The following TFPI variants were observed in gnomAD, a reference collection of about 807,000 sequenced individuals.
TFPI encodes tissue factor pathway inhibitor.
A neutral mutation model predicts 34.6 loss-of-function variants in TFPI; 15 were observed. That is an observed-to-expected ratio of 0.43 (90% CI 0.29 to 0.67). The LOEUF is 0.67. Ranked by LOEUF, TFPI falls within the 30% of genes least tolerant of loss-of-function variation. The pLI, the probability that TFPI is intolerant of heterozygous loss-of-function variation, is 0.15. For synonymous variants in TFPI, 105 were observed against 120.1 expected (o/e 0.87, Z 0.82); for missense variants, 301 against 364.0 (o/e 0.83, Z 1.41).
At chr2:187,549,448 A>G (rs1416240443) in intron 1 of TFPI, among the ~76,000 whole-genome samples, 2 of 152,138 alleles carry the variant, frequency 1.3e-5, no homozygotes, top group African/African-American at 4.8e-5. Flanking sequence ...TAGTCTGGCA[A>G]GTGGGAAGTA....
At position 187,479,546 on chromosome 2, in the gene TFPI, CATATATATATATATATATATATATATAT is replaced by C. The variant is rs35837997; in HGVS notation, c.628+4550_628+4577del. Among the ~76,000 whole-genome samples, 72 of 63,308 alleles carry C rather than the reference CATATATATATATATATATATATATATAT, an allele frequency of 1.1e-3. 2 individuals carry two copies. Among genetic ancestry groups the C allele is most frequent in the South Asian group, 2.4e-3 (3 of 1,256 alleles). 41.5% of individuals were successfully genotyped at this position (63,308 alleles called of 152,430 possible). On this transcript the variant is annotated intron_variant, in intron 6 of 7. Transcript: ENST00000233156. ...GCTTATTTTGGGGGGATATCACGTT[CATATATATATATATATATATATATATAT>C]ATATATATATATATATGATTTAAAA...
chr2:187,552,501 A>G (rs1171314911), intron 1 of TFPI, among the ~76,000 whole-genome samples: 1 of 152,110 alleles, frequency 6.6e-6, no homozygotes, highest in Non-Finnish European at 1.5e-5. Context: ...ATGACAGAAG[A>G]TTTAAGTCAA....
intron 5 of TFPI, 110 bp from the exon 6 acceptor site, chr2:187,484,326 C>T (rs1693098251): frequency 3.9e-6 from 3 of 778,738 alleles, no homozygotes; most frequent in African/African-American, 1.8e-5. Context: ...ATTTCATTCA[C>T]ATTGCTATGT....
intron 1 of TFPI, chr2:187,547,181 A>G (rs922892987): frequency 2.6e-5 from 4 of 152,200 alleles, no homozygotes; most frequent in Admixed American, 2.6e-4. Flanking sequence ...AATTTCTCAC[A>G]AAAATGTTAC....
At chr2:187,535,440 CCATACAACTA>C (rs1174869920) in intron 1 of TFPI, among the ~76,000 whole-genome samples, 2 of 152,324 alleles carry the variant, frequency 1.3e-5, no homozygotes, top group South Asian at 4.1e-4. Flanking sequence ...TCACTCAAAA[CCATACAACTA>C]CATGGAAACT....
intron 6 of TFPI, among the ~76,000 whole-genome samples, chr2:187,480,337 C>T (rs577090620): frequency 6.6e-6 from 1 of 152,124 alleles, no homozygotes; most frequent in Admixed American, 6.6e-5. Flanking sequence ...TAACCCTACA[C>T]GAACTGACTA....
At chr2:187,484,314 C>T in intron 5 of TFPI, 98 bp from the exon 6 acceptor site, 1 of 882,674 alleles carries the variant, frequency 1.1e-6, no homozygotes, top group East Asian at 2.5e-5. Context: ...AGACTTCTGG[C>T]AATTTCATTC....
chr2:187,503,739 T>C lies in TFPI; in HGVS notation c.30A>G (p.Ala10=), dbSNP rs1202104688. The part of the protein sequence containing the change: MIYTMKKVH[A]LWASVCLLLN... ...GCAGCAGGCATACAGAAGCCCAAAG[T>C]GCATGTACTTTCTTCATTGTGTAAA... The change falls in exon 2 of 8, where the codon GCA becomes GCG. Residue 10 remains alanine, a synonymous_variant. Transcript: ENST00000233156. 6 of 1,613,066 alleles carry C rather than the reference T, an allele frequency of 3.7e-6. No individual in the cohort carries two copies. Among genetic ancestry groups the C allele is most frequent in the Admixed American group, 1.7e-5 (1 of 59,888 alleles).
intron 7 of TFPI, 29 bp downstream of exon 7, chr2:187,467,724 T>C (rs1410255598): frequency 6.6e-7 from 1 of 1,517,966 alleles, no homozygotes; most frequent in Admixed American, 2.1e-5. Flanking sequence ...TAAACACTAG[T>C]CAATTAATGG....
Position 187,478,603 on chromosome 2 carries a change from C to T in TFPI, c.628+5521G>A. 2.0e-6 allele frequency: 3 copies of T among 1,529,500 alleles called. No individual in the cohort carries two copies. In the East Asian group the frequency reaches 7.0e-5, roughly 36 times the overall value. The allele number at this position is 1,529,500 out of a possible 1,614,324, so 94.7% of individuals were successfully genotyped here. On this transcript the variant is annotated intron_variant, in intron 6 of 7. Coordinates refer to ENST00000233156, the MANE Select transcript of TFPI (RefSeq NM_006287.6). ...TTTACTATGCATGTAAATATTAAAA[C>T]TTTATTAGCAGTATGCTATCAAAGG...
At chr2:187,485,459 T>C (rs1693192261) in intron 4 of TFPI, among the ~76,000 whole-genome samples, 1 of 151,706 alleles carries the variant, frequency 6.6e-6, no homozygotes, top group Admixed American at 6.6e-5. Flanking sequence ...AAAGAATATT[T>C]GAGGGGTAGG....
At chr2:187,521,132 T>G (rs1391109624) in intron 1 of TFPI, among the ~76,000 whole-genome samples, 2 of 151,968 alleles carry the variant, frequency 1.3e-5, no homozygotes, top group Non-Finnish European at 2.9e-5. Flanking sequence ...TTTTAGGCCT[T>G]CTTTTTGGCA....
intron 3 of TFPI, among the ~76,000 whole-genome samples, chr2:187,489,558 GAAGA>G (rs200671429): frequency 6.6e-6 from 1 of 151,264 alleles, no homozygotes; most frequent in East Asian, 1.9e-4. Context: ...TAATTGATAA[GAAGA>G]AAGAAATGTA....
At chr2:187,484,347 AAC>A in intron 5 of TFPI, 131 bp from the exon 6 acceptor site, 2 of 667,122 alleles carry the variant, frequency 3.0e-6, no homozygotes, top group South Asian at 2.1e-5. Context: ...TAAATTAGCA[AAC>A]AGTGAATCTT....
At chr2:187,489,768 G>C (rs1684987177) in intron 3 of TFPI, among the ~76,000 whole-genome samples, 1 of 151,370 alleles carries the variant, frequency 6.6e-6, no homozygotes, top group African/African-American at 2.4e-5. Context: ...AACTCAATGT[G>C]GTTTAGCACA....
intron 1 of TFPI, among the ~76,000 whole-genome samples, chr2:187,553,470 T>G (rs1689165482): frequency 6.6e-6 from 1 of 152,150 alleles, no homozygotes; most frequent in Non-Finnish European, 1.5e-5. Context: ...CTCATTATAT[T>G]TCTGTGGTTG....
At chr2:187,498,609 C>G (rs1271261721) in intron 2 of TFPI, among the ~76,000 whole-genome samples, 3 of 151,772 alleles carry the variant, frequency 2.0e-5, no homozygotes, top group African/African-American at 7.3e-5. Context: ...TAAATTTTAT[C>G]TCAACTACTA....
At chr2:187,497,637 T>C (rs568283158) in intron 2 of TFPI, among the ~76,000 whole-genome samples, 1 of 152,118 alleles carries the variant, frequency 6.6e-6, no homozygotes, top group South Asian at 2.1e-4. Flanking sequence ...TTTAATAATG[T>C]TGAAATAATG....
At chr2:187,504,078 G>A (rs1478341328) in intron 1 of TFPI, among the ~76,000 whole-genome samples, 2 of 152,006 alleles carry the variant, frequency 1.3e-5, no homozygotes, top group African/African-American at 2.4e-5. Context: ...GATCAATATG[G>A]CGAAGTATGT....
Sources: gnomAD v4.1 joint callset for allele counts (sites outside exome capture counted in the v4.1 genomes callset) on GRCh38, gnomAD v4.1.1 for gene constraint, MANE v1.5 for transcripts, NCBI Gene and HGNC (gene_info 2026-07-23, HGNC 2026-07-21) for gene names.